YES1: variants seen among roughly 807,000 people sequenced by gnomAD.
YES1 encodes YES proto-oncogene 1, Src family tyrosine kinase.
YES1 carries 39 observed loss-of-function variants against 70.4 expected under a neutral mutation model. The observed-to-expected ratio is 0.55, with a 90% CI of 0.43 to 0.72. The LOEUF is 0.72. Ranked by LOEUF, YES1 falls within the 30% of genes least tolerant of loss-of-function variation. The pLI is 0.00. For missense variants in YES1, 495 were observed against 644.8 expected, an observed-to-expected ratio of 0.77 and a Z score of 2.52; for synonymous variants, 198 against 218.6, an observed-to-expected ratio of 0.91 and a Z score of 0.83.
At chr18:806,761 T>G (rs912472479) in intron 1 of YES1, among the ~76,000 whole-genome samples, 6 of 152,244 alleles carry the variant, frequency 3.9e-5, no homozygotes, top group Non-Finnish European at 7.3e-5. Context: ...AATCTCTTGC[T>G]AAGTATATGC....
chr18:785,571 T>C (rs536842751), intron 1 of YES1, among the ~76,000 whole-genome samples: 2 of 152,292 alleles, frequency 1.3e-5, no homozygotes, highest in East Asian at 1.9e-4. Flanking sequence ...CTCTATGCTA[T>C]GGTTTGAATA....
intron 1 of YES1, among the ~76,000 whole-genome samples, chr18:777,336 T>A (rs1187948007): frequency 6.6e-6 from 1 of 152,210 alleles, no homozygotes; most frequent in Non-Finnish European, 1.5e-5. Flanking sequence ...GTAACTTGAT[T>A]CTGATTAATT....
chr18:767,018 G>C (rs977213238), intron 1 of YES1, among the ~76,000 whole-genome samples: 1 of 151,748 alleles, frequency 6.6e-6, no homozygotes, highest in African/African-American at 2.4e-5. Flanking sequence ...TTATGTGTCC[G>C]GAAAATTCTT....
At chr18:733,176 A>G (rs1462250008) in intron 10 of YES1, among the ~76,000 whole-genome samples, 2 of 152,228 alleles carry the variant, frequency 1.3e-5, no homozygotes, top group East Asian at 3.8e-4. Context: ...ACAGCTGATG[A>G]TATAAAAAAT....
intron 1 of YES1, among the ~76,000 whole-genome samples, chr18:762,782 T>C (rs934718989): frequency 6.6e-6 from 1 of 152,134 alleles, no homozygotes; most frequent in Non-Finnish European, 1.5e-5. Flanking sequence ...CTAAAAATAT[T>C]GTATATTAGA....
chr18:752,022 T>C (rs1452113824), intron 2 of YES1, among the ~76,000 whole-genome samples: 2 of 152,172 alleles, frequency 1.3e-5, no homozygotes, highest in Admixed American at 6.5e-5. Context: ...CTGGTAGCAA[T>C]AACTAGTCTT....
At chr18:746,975 T>G (rs1216400188) in intron 4 of YES1, among the ~76,000 whole-genome samples, 1 of 152,206 alleles carries the variant, frequency 6.6e-6, no homozygotes, top group African/African-American at 2.4e-5. Flanking sequence ...GCTGAATTAG[T>G]GCCTCAAATA....
At chr18:808,856 T>TA (rs1480023860) in intron 1 of YES1, among the ~76,000 whole-genome samples, 3 of 152,216 alleles carry the variant, frequency 2.0e-5, no homozygotes, top group Non-Finnish European at 4.4e-5. Context: ...AACCAAAACA[T>TA]ATTCATCCTT....
chr18:752,903 A>G lies in YES1; in HGVS notation c.272-1099T>C, dbSNP rs557199593. On this transcript the variant is annotated intron_variant, in intron 2 of 11. Coordinates refer to ENST00000314574, the MANE Select transcript of YES1 (RefSeq NM_005433.4). ...GGTTGCCATGAGCCGAGATTATGCCACTGCACTGTAGCCTGGGTGACACAG... is the reference window on the plus strand; with the variant it reads ...GGTTGCCATGAGCCGAGATTATGCCGCTGCACTGTAGCCTGGGTGACACAG... Among the ~76,000 whole-genome samples, 17 of 152,338 alleles carry G rather than the reference A, an allele frequency of 1.1e-4. 1 individual carries two copies. The highest frequency in any genetic ancestry group is 1.0e-3 in the South Asian group (5 of 4,828).
chr18:797,555 G>A (rs923315870), intron 1 of YES1, among the ~76,000 whole-genome samples: 1 of 152,106 alleles, frequency 6.6e-6, no homozygotes. Flanking sequence ...ACACAAGAAA[G>A]TACCACTGAC....
chr18:785,417 G>A (rs529261425), intron 1 of YES1, among the ~76,000 whole-genome samples: 4 of 152,100 alleles, frequency 2.6e-5, no homozygotes, highest in Admixed American at 1.3e-4. Flanking sequence ...TGAGTGTTAG[G>A]GGGGAGAAAG....
chr18:774,297 C>T (rs9944537), intron 1 of YES1, among the ~76,000 whole-genome samples: 3,521 of 152,246 alleles, frequency 0.023, 144 homozygotes, highest in African/African-American at 0.08. Context: ...TGATATCACC[C>T]AGTCTTATAT....
intron 1 of YES1, among the ~76,000 whole-genome samples, chr18:805,085 A>C (rs762972542): frequency 1.3e-5 from 2 of 152,122 alleles, no homozygotes; most frequent in African/African-American, 4.8e-5. Flanking sequence ...ATTTCCTTAA[A>C]ATTTTATCAA....
intron 1 of YES1, among the ~76,000 whole-genome samples, chr18:810,046 C>T (rs777225739): frequency 6.6e-5 from 10 of 151,670 alleles, no homozygotes; most frequent in South Asian, 2.1e-4. Context: ...TTTGGGTGAC[C>T]CCAGCGCTTA....
intron 1 of YES1, among the ~76,000 whole-genome samples, chr18:781,507 A>C (rs1361524236): frequency 6.6e-6 from 1 of 152,126 alleles, no homozygotes; most frequent in Non-Finnish European, 1.5e-5. Context: ...TCCTGCCCCC[A>C]CACCATTTAT....
chr18:775,702 T>C (rs377717384), intron 1 of YES1, among the ~76,000 whole-genome samples: 2 of 151,976 alleles, frequency 1.3e-5, no homozygotes, highest in African/African-American at 4.8e-5. Context: ...GAGGCTGAGG[T>C]TGGAGGATCG....
At chr18:748,716 T>G (rs2080308793) in intron 3 of YES1, among the ~76,000 whole-genome samples, 4 of 152,224 alleles carry the variant, frequency 2.6e-5, no homozygotes, top group Admixed American at 2.6e-4. Flanking sequence ...AGCATGTCTA[T>G]CAGTAGTTCA....
intron 1 of YES1, among the ~76,000 whole-genome samples, chr18:764,159 T>G (rs1185040953): frequency 1.3e-5 from 2 of 152,118 alleles, no homozygotes; most frequent in African/African-American, 4.8e-5. Flanking sequence ...TTCTTCAGTA[T>G]TTATTGAACC....
chr18:801,076 G>A (rs910260286), intron 1 of YES1, among the ~76,000 whole-genome samples: 5 of 151,806 alleles, frequency 3.3e-5, no homozygotes, highest in African/African-American at 9.7e-5. Context: ...AACCAAGGAG[G>A]TGGAGGTTGC....
Sources: gnomAD v4.1 joint callset for allele counts (sites outside exome capture counted in the v4.1 genomes callset) on GRCh38, gnomAD v4.1.1 for gene constraint, MANE v1.5 for transcripts, NCBI Gene and HGNC (gene_info 2026-07-23, HGNC 2026-07-21) for gene names.